Variants in RMND5A observed in about 807,000 individuals in gnomAD.
RMND5A encodes the protein required for meiotic nuclear division 5 homolog A.
In RMND5A, 17 loss-of-function variants were observed where a neutral mutation model predicts 49.7. The observed-to-expected ratio is 0.34, with a 90% confidence interval of 0.23 to 0.51. The LOEUF is 0.51. Ranked by LOEUF, RMND5A falls within the 20% of genes least tolerant of loss-of-function variation. RMND5A has a pLI of 0.96. For missense variants in RMND5A, 255 were observed against 471.3 expected (o/e 0.54, Z 4.25); for synonymous variants, 156 against 167.7 (o/e 0.93, Z 0.54).
At chr2:86,752,446 T>C (rs2104397556) in intron 3 of RMND5A, among the ~76,000 whole-genome samples, 1 of 152,370 alleles carries the variant, frequency 6.6e-6, no homozygotes, top group Admixed American at 6.5e-5. Flanking sequence ...CTAAAATTTT[T>C]TACTTCGCAT....
At chr2:86,743,418 A>G (rs1573432898) in intron 2 of RMND5A, among the ~76,000 whole-genome samples, 1 of 147,776 alleles carries the variant, frequency 6.8e-6, no homozygotes. Flanking sequence ...AGTAATTCTT[A>G]TACAGTTTCT....
intron 1 of RMND5A, among the ~76,000 whole-genome samples, chr2:86,735,158 T>C (rs1290708615): frequency 6.6e-6 from 1 of 152,132 alleles, no homozygotes; most frequent in Non-Finnish European, 1.5e-5. Flanking sequence ...TACCAGTTTT[T>C]GTCTTATGAA....
chr2:86,744,188 C>T (rs571543663), intron 2 of RMND5A, among the ~76,000 whole-genome samples: 1 of 152,058 alleles, frequency 6.6e-6, no homozygotes, highest in Non-Finnish European at 1.5e-5. Context: ...AGTACCTAGA[C>T]GTTGTGAATG....
chr2:86,732,729 T>C (rs1681354647), intron 1 of RMND5A, among the ~76,000 whole-genome samples: 1 of 143,498 alleles, frequency 7.0e-6, no homozygotes, highest in South Asian at 2.1e-4. Context: ...AATGTGGAAA[T>C]AGTTTTGTAA....
chr2:86,720,535 C>CGCCGCCTCG lies in RMND5A; in HGVS notation c.-124_-116dup, dbSNP rs1681179369. 1 of 586,508 alleles carries CGCCGCCTCG rather than the reference C, an allele frequency of 1.7e-6. No homozygotes were observed. The allele number at this position is 586,508 out of a possible 1,614,324, so 36.3% of individuals were successfully genotyped here. Reference sequence around the variant, plus strand: ...CCCCCGGCGCCGCGGCTAGTGCGCCCGCCGCCTCGGCCGCCTCAGCCTCCC... The same window carrying CGCCGCCTCG: ...CCCCCGGCGCCGCGGCTAGTGCGCCCGCCGCCTCGGCCGCCTCGGCCGCCTCAGCCTCCC... On this transcript the variant is annotated 5_prime_UTR_variant, in exon 1 of 9. Transcript: ENST00000283632.
chr2:86,771,764 T>C (rs1672689207), intron 8 of RMND5A, 52 bp downstream of exon 8: 1 of 1,465,544 alleles, frequency 6.8e-7, no homozygotes, highest in African/African-American at 1.4e-5. Flanking sequence ...GTTTTGGAAC[T>C]TGGTAGGAGG....
intron 1 of RMND5A, among the ~76,000 whole-genome samples, chr2:86,736,102 G>A (rs2104387598): frequency 2.3e-5 from 1 of 44,132 alleles, no homozygotes; most frequent in Non-Finnish European, 4.5e-5. Context: ...TTCAAGGTCA[G>A]AAATGCATCT....
intron 6 of RMND5A, among the ~76,000 whole-genome samples, chr2:86,766,323 G>A (rs1468174701): frequency 2.6e-5 from 4 of 152,052 alleles, no homozygotes; most frequent in South Asian, 2.1e-4. Context: ...AAGTTGGGGC[G>A]GTGGTACAAA....
chr2:86,772,599 C>CT lies in RMND5A; in HGVS notation c.1113-736dup, dbSNP rs762440102. On this transcript the variant is annotated intron_variant, in intron 8 of 8. Transcript: ENST00000283632. Reference sequence around the variant, plus strand: ...AATTTATTTTAGTTAGTGAGCTCAGCTTTTTTTTTTTTTGCGATTGAGTCT... The same window carrying CT: ...AATTTATTTTAGTTAGTGAGCTCAGCTTTTTTTTTTTTTTGCGATTGAGTCT... Among the ~76,000 whole-genome samples, 1,107 of 142,680 alleles carry CT rather than the reference C, an allele frequency of 7.8e-3. 8 individuals are homozygous for CT. The highest frequency in any genetic ancestry group is 0.021 in the African/African-American group (818 of 39,064). The allele number at this position is 142,680 out of a possible 152,430, so 93.6% of individuals were successfully genotyped here.
chr2:86,754,808 A>G (rs1342222690), intron 4 of RMND5A, among the ~76,000 whole-genome samples: 2 of 151,958 alleles, frequency 1.3e-5, no homozygotes, highest in Admixed American at 1.3e-4. Context: ...TGATTCTCCC[A>G]CCTCGGCTTC....
At position 86,776,846 on chromosome 2, in the gene RMND5A, AC is replaced by A. The variant is rs1672779266; in HGVS notation, c.*3436del. ...TTTCTTTCATCACTTAACTATACGT[AC>A]TTTATCTCTGGTAACACTAGAATGC... On this transcript the variant is annotated 3_prime_UTR_variant, in exon 9 of 9. Coordinates refer to ENST00000283632, the MANE Select transcript of RMND5A (RefSeq NM_022780.4). 6.7e-6 allele frequency: 1 copy of A among 149,064 alleles called. No homozygotes were observed. The highest frequency in any genetic ancestry group is 2.5e-5 in the African/African-American group (1 of 40,030). 9.2% of individuals were successfully genotyped at this position (149,064 alleles called of 1,614,324 possible).
At chr2:86,770,250 A>T (rs967967062) in intron 7 of RMND5A, 125 bp downstream of exon 7, 1 of 714,116 alleles carries the variant, frequency 1.4e-6, no homozygotes. Flanking sequence ...TCTTTTATGG[A>T]TATATAAAAG....
chr2:86,750,609 G>T (rs1681617427), intron 2 of RMND5A, among the ~76,000 whole-genome samples: 1 of 152,092 alleles, frequency 6.6e-6, no homozygotes, highest in Admixed American at 6.6e-5. Flanking sequence ...GTCCATGTTG[G>T]AGTTCACTGA....
At chr2:86,755,578 G>C in intron 4 of RMND5A, among the ~76,000 whole-genome samples, 1 of 152,144 alleles carries the variant, frequency 6.6e-6, no homozygotes, top group East Asian at 1.9e-4. Context: ...AGTCATGTAC[G>C]TACTATGACT....
chr2:86,743,741 T>A (rs1476874846), intron 2 of RMND5A, among the ~76,000 whole-genome samples: 2 of 152,258 alleles, frequency 1.3e-5, no homozygotes, highest in East Asian at 3.9e-4. Flanking sequence ...ATCCCAGCAC[T>A]TTGGGAGGCC....
In RMND5A at chr2:86,746,138, A is replaced by G. The variant is rs1380239513; in HGVS notation, c.285+5069A>G. Among the ~76,000 whole-genome samples the G allele has an allele frequency of 3.3e-5, 5 of 152,318 alleles. No individual in the cohort carries two copies. The South Asian group carries it at 1.0e-3, about 32-fold the overall frequency. ...GGTGAGCAGTCCAGAACTGCCTTTT[A>G]TGTTGGTATGTGATAAACAAGGTCT... On this transcript the variant is annotated intron_variant, in intron 2 of 8. Transcript: ENST00000283632.
At chr2:86,772,337 C>T (rs536653952) in intron 8 of RMND5A, among the ~76,000 whole-genome samples, 6 of 152,216 alleles carry the variant, frequency 3.9e-5, no homozygotes, top group Admixed American at 1.3e-4. Flanking sequence ...CACCTGTAGT[C>T]CCAGTTACTC....
chr2:86,750,904 A>G (rs1681623368), intron 2 of RMND5A, among the ~76,000 whole-genome samples: 1 of 151,810 alleles, frequency 6.6e-6, no homozygotes, highest in Non-Finnish European at 1.5e-5. Context: ...TTACTCTATC[A>G]GCTTTTTCCT....
intron 2 of RMND5A, among the ~76,000 whole-genome samples, chr2:86,743,278 C>T (rs1028883447): frequency 5.3e-5 from 8 of 151,928 alleles, no homozygotes; most frequent in Non-Finnish European, 1.2e-4. Context: ...GAATAATCTA[C>T]ATTCTGGCTT....
Sources: allele counts gnomAD v4.1 joint callset (sites outside exome capture counted in the v4.1 genomes callset), GRCh38; gene constraint gnomAD v4.1.1; transcripts MANE v1.5; gene names NCBI Gene and HGNC (gene_info 2026-07-23, HGNC 2026-07-21).